The following ARMC9 variants were observed in gnomAD, a reference collection of about 807,000 sequenced individuals.
The protein encoded by ARMC9 is lisH domain-containing protein ARMC9.
Under a neutral mutation model 107.0 loss-of-function variants are expected in ARMC9, and 94 were observed. The observed-to-expected ratio is 0.88, with a 90% CI of 0.74 to 1.04. The LOEUF (loss-of-function observed/expected upper bound fraction) is 1.04. ARMC9 is among the 50% of genes least tolerant of loss of function. The pLI, the probability that ARMC9 is intolerant of heterozygous loss-of-function variation, is 0.00. For missense variants in ARMC9, 942 were observed against 1,030.1 expected (o/e 0.91, Z 1.17); for synonymous variants, 380 against 396.9 (o/e 0.96, Z 0.51).
intron 19 of ARMC9, among the ~76,000 whole-genome samples, chr2:231,330,565 C>T (rs1372758395): frequency 6.6e-6 from 1 of 152,134 alleles, no homozygotes; most frequent in East Asian, 1.9e-4. Context: ...GGGGTGGGGG[C>T]CTCCTTACCA....
At chr2:231,296,600 G>C (rs973925206) in intron 19 of ARMC9, among the ~76,000 whole-genome samples, 1 of 152,242 alleles carries the variant, frequency 6.6e-6, no homozygotes, top group Non-Finnish European at 1.5e-5. Context: ...TTCCTCACCG[G>C]TGGGAGTGCT....
chr2:231,308,034 G>A (rs2042127334), intron 19 of ARMC9, among the ~76,000 whole-genome samples: 1 of 152,226 alleles, frequency 6.6e-6, no homozygotes, highest in Non-Finnish European at 1.5e-5. Flanking sequence ...GGGAGACAAA[G>A]CTGGAAGGAT....
At chr2:231,266,971 AGT>A (rs962500586) in intron 12 of ARMC9, among the ~76,000 whole-genome samples, 2 of 152,226 alleles carry the variant, frequency 1.3e-5, no homozygotes, top group Admixed American at 1.3e-4. Flanking sequence ...CGCATAATAC[AGT>A]GTTTGCTTTT....
chr2:231,214,866 G>A lies in ARMC9; in HGVS notation c.213G>A (p.Gln71=). The A allele has an allele frequency of 6.2e-7, 1 of 1,614,218 alleles. No homozygotes were observed. The highest frequency in any genetic ancestry group is 8.5e-7 in the Non-Finnish European group (1 of 1,180,044). The change falls in exon 4 of 25, where the codon CAG becomes CAA. Residue 71 remains glutamine, a synonymous_variant. Transcript: ENST00000611582. The stretch of plus-strand genomic sequence containing the variant: ...TCGCTGCATTTGACAACGGAGACCA[G>A]AAGGTGTTCTTCGATCTGTGGGAGG... ...DLVAAFDNGD[Q]KVFFDLWEEH...
chr2:231,346,453 G>A (rs1051434282), intron 21 of ARMC9, among the ~76,000 whole-genome samples: 4 of 152,116 alleles, frequency 2.6e-5, no homozygotes, highest in South Asian at 4.2e-4. Flanking sequence ...CCCAGGAGGC[G>A]GAGCTTGCAG....
chr2:231,227,200 T>G (rs1009543674), intron 7 of ARMC9, among the ~76,000 whole-genome samples: 5 of 152,340 alleles, frequency 3.3e-5, no homozygotes, highest in African/African-American at 1.2e-4. Flanking sequence ...CGAAGACATA[T>G]GGAGTACCCA....
intron 20 of ARMC9, among the ~76,000 whole-genome samples, chr2:231,333,642 C>T (rs965906829): frequency 2.0e-5 from 3 of 152,090 alleles, no homozygotes; most frequent in Non-Finnish European, 4.4e-5. Flanking sequence ...GACGCGGCTC[C>T]GTGTGATTGG....
At chr2:231,229,256 G>C (rs992217076) in intron 7 of ARMC9, among the ~76,000 whole-genome samples, 1 of 152,140 alleles carries the variant, frequency 6.6e-6, no homozygotes, top group Non-Finnish European at 1.5e-5. Context: ...TGCAGCTAAG[G>C]CTGTAATAAC....
At chr2:231,218,338 T>C (rs2033753120) in intron 5 of ARMC9, among the ~76,000 whole-genome samples, 1 of 151,830 alleles carries the variant, frequency 6.6e-6, no homozygotes, top group South Asian at 2.1e-4. Context: ...TCTTCGAGGA[T>C]AAAACAAAGA....
intron 5 of ARMC9, among the ~76,000 whole-genome samples, chr2:231,220,810 A>G (rs2125330801): frequency 6.6e-6 from 1 of 152,336 alleles, no homozygotes; most frequent in East Asian, 1.9e-4. Flanking sequence ...CATCCCTGTC[A>G]TTAGCAGAGC....
rs1431281205 is a variant in ARMC9 at position 231,362,211 on chromosome 2, G to T, written c.2261+1328G>T. ...TCTGTGGCTGAAGAGGAGCTTGTCA[G>T]CTAGACCAGGGGTTCTCAGGCTCTC... On this transcript the variant is annotated intron_variant, in intron 23 of 24. Transcript: ENST00000611582. The surrounding 1 kb of genome is among the most constrained non-coding windows in gnomAD (Gnocchi z 4.7). Among the ~76,000 whole-genome samples the T allele has an allele frequency of 6.6e-6, 1 of 152,142 alleles. No homozygotes were observed. The highest frequency in any genetic ancestry group is 1.9e-4 in the East Asian group (1 of 5,186).
intron 23 of ARMC9, among the ~76,000 whole-genome samples, chr2:231,369,255 A>G (rs946572532): frequency 4.6e-5 from 7 of 151,976 alleles, no homozygotes; most frequent in Non-Finnish European, 8.8e-5. Flanking sequence ...CCTTATGCCC[A>G]TCGTCTCCTT....
intron 6 of ARMC9, among the ~76,000 whole-genome samples, chr2:231,223,628 T>TCTG (rs1679380208): frequency 1.3e-5 from 2 of 152,224 alleles, no homozygotes; most frequent in Middle Eastern, 3.2e-3. Context: ...CGTAATACCT[T>TCTG]CTGCTTCCTT....
intron 19 of ARMC9, among the ~76,000 whole-genome samples, chr2:231,322,697 C>T (rs75389272): frequency 3.9e-5 from 6 of 152,246 alleles, no homozygotes; most frequent in African/African-American, 1.4e-4. Context: ...TCAGCTCGAG[C>T]GCCTTTTTTA....
chr2:231,204,299 G>A (rs1384897926), intron 1 of ARMC9, among the ~76,000 whole-genome samples: 1 of 151,740 alleles, frequency 6.6e-6, no homozygotes. Flanking sequence ...AGGCCCACCT[G>A]ACCTGGCCCC....
At chr2:231,324,634 C>T (rs1473437043) in intron 19 of ARMC9, among the ~76,000 whole-genome samples, 2 of 151,760 alleles carry the variant, frequency 1.3e-5, no homozygotes, top group Non-Finnish European at 2.9e-5. Flanking sequence ...ATCCCAGCTA[C>T]TCGGGAGGCT....
At chr2:231,207,642 AT>A (rs1218410278) in intron 2 of ARMC9, among the ~76,000 whole-genome samples, 4 of 151,920 alleles carry the variant, frequency 2.6e-5, no homozygotes, top group African/African-American at 9.7e-5. Flanking sequence ...CGCCTGGCTA[AT>A]TTTTGTATTT....
rs146866504 is a variant in ARMC9, at chr2:231,302,941, T to C, written c.1773+6688T>C. On this transcript the variant is annotated intron_variant, in intron 19 of 24. Coordinates refer to ENST00000611582, the MANE Select transcript of ARMC9 (RefSeq NM_001352754.2). ...ATCGCCTGAACCCGGGATGCGGAGA[T>C]TGCAGTGAGCCAAGATCACACCACT... Among the ~76,000 whole-genome samples the C allele has an allele frequency of 2.1e-3, 322 of 152,242 alleles. 16 individuals are homozygous for C. In the East Asian group the frequency reaches 0.058, roughly 27 times the overall value.
At chr2:231,359,756 A>G (rs1444331402) in intron 22 of ARMC9, among the ~76,000 whole-genome samples, 3 of 152,136 alleles carry the variant, frequency 2.0e-5, no homozygotes, top group Non-Finnish European at 4.4e-5. Flanking sequence ...CTGAAGCTCT[A>G]TTTCTAGACC....
Sources: allele counts gnomAD v4.1 joint callset (sites outside exome capture counted in the v4.1 genomes callset), GRCh38; gene constraint gnomAD v4.1.1; non-coding constraint Gnocchi (gnomAD v3.1); transcripts MANE v1.5; gene names NCBI Gene and HGNC (gene_info 2026-07-23, HGNC 2026-07-21).